TONSL: variants seen among roughly 807,000 people sequenced by gnomAD.
The protein encoded by TONSL is tonsoku-like protein.
TONSL carries 112 observed loss-of-function variants against 147.1 expected under a neutral mutation model. That is an observed-to-expected ratio of 0.76 (90% confidence interval 0.65 to 0.89). The LOEUF is 0.89. Among genes scored for constraint, TONSL ranks in the 40% least tolerant of loss-of-function variants. The pLI is 0.00. For missense variants in TONSL, 1,883 were observed against 1,864.6 expected (o/e 1.01, Z -0.18); for synonymous variants, 868 against 801.5 (o/e 1.08, Z -1.40).
intron 18 of TONSL, 141 bp downstream of exon 18, chr8:144,435,333 C>T (rs1458356602): frequency 1.3e-5 from 16 of 1,228,276 alleles, no homozygotes; most frequent in Non-Finnish European, 1.6e-5. Context: ...ACCAGCCCCT[C>T]TGCTATTCCT....
In TONSL at chr8:144,438,826, T is replaced by C. The variant is rs910723851; in HGVS notation, c.1481-91A>G. ...GCTGCAAGCTCCCCAAACTCCCAGG[T>C]ACAAAGGAGCCAGAGACGGGAGGGC... On this transcript the variant is annotated intron_variant, in intron 11 of 25. Transcript: ENST00000409379. 4 of 1,362,642 alleles carry C rather than the reference T, an allele frequency of 2.9e-6. No individual in the cohort carries two copies. In the African/African-American group the frequency reaches 5.8e-5, roughly 20 times the overall value. 84.4% of individuals were successfully genotyped at this position (1,362,642 alleles called of 1,614,324 possible).
intron 11 of TONSL, 82 bp from the exon 12 acceptor site, chr8:144,438,817 A>AAC: frequency 7.1e-7 from 1 of 1,416,008 alleles, no homozygotes; most frequent in Non-Finnish European, 9.8e-7. Context: ...AGCTCCCCAA[A>AAC]CTCCCAGGTA....
chr8:144,433,139 G>A (rs782075519), intron 22 of TONSL: 18 of 161,026 alleles, frequency 1.1e-4, no homozygotes, highest in Non-Finnish European at 2.1e-4. Context: ...GGAGTGCAAC[G>A]GCGCGATCTC....
In TONSL at chr8:144,442,100, C is replaced by A; in HGVS notation, c.802G>T (p.Ala268Ser). Residue 268 changes from alanine (A) to serine (S), a missense_variant, in exon 7 of 26, where the codon GCC becomes TCC. Physicochemically the swap from Ala to Ser is moderately conservative, Grantham distance 99 (BLOSUM62 1). Transcript: ENST00000409379. ...FLAAKRALKK[A>S]YRLGSQKPVQ... The stretch of plus-strand genomic sequence containing the variant: ...GGCTTCTGGGAGCCCAGCCTGTAGG[C>A]CTTCTTCAGGGCTCGCTTGGCAGCC... 1 of 1,612,832 alleles carries A rather than the reference C, an allele frequency of 6.2e-7. No individual in the cohort carries two copies. Among genetic ancestry groups the A allele is most frequent in the Non-Finnish European group, 8.5e-7 (1 of 1,179,912 alleles).
chr8:144,441,322 G>A (rs1394939139), intron 7 of TONSL: 2 of 666,860 alleles, frequency 3.0e-6, no homozygotes, highest in Non-Finnish European at 4.9e-6. Context: ...GCCAGGTACA[G>A]TGGCTCACGC....
rs1823642522 is a variant in TONSL at position 144,440,022 on chromosome 8, GCCCT to G, written c.1475_1478del (p.Glu492AlafsTer8). ...ATGCAAGGTGCCGCTGGCCCTCACC[GCCCT>G]CTGAGAGCTCCACCTCGCCGGCCTC... On this transcript the variant is annotated frameshift_variant and splice_region_variant, in exon 11 of 26. Coordinates refer to ENST00000409379, the MANE Select transcript of TONSL (RefSeq NM_013432.5). LOFTEE classifies it high-confidence loss of function. 8.4e-7 allele frequency: 1 copy of G among 1,193,172 alleles called. No individual in the cohort carries two copies. The highest frequency in any genetic ancestry group is 1.3e-6 in the Non-Finnish European group (1 of 798,090). The allele number at this position is 1,193,172 out of a possible 1,614,324, so 73.9% of individuals were successfully genotyped here.
In TONSL at chr8:144,435,992, TGGCCCCGCGGTGGGCCA is replaced by T; in HGVS notation, c.2424_2440del (p.Gly809GlnfsTer47). The T allele has an allele frequency of 6.4e-7, 1 of 1,551,494 alleles. No homozygotes were observed. Among genetic ancestry groups the T allele is most frequent in the Non-Finnish European group, 8.7e-7 (1 of 1,151,108 alleles). ...TGCCTGGGGGGCAAGGGCTTTGCTGTGGCCCCGCGGTGGGCCAGGCCCCAGCCGGCTCTGAGCACTGC... is the reference window on the plus strand; with the variant it reads ...TGCCTGGGGGGCAAGGGCTTTGCTGTGGCCCCAGCCGGCTCTGAGCACTGC... On this transcript the variant is annotated frameshift_variant, in exon 17 of 26. Coordinates refer to ENST00000409379, the MANE Select transcript of TONSL (RefSeq NM_013432.5). LOFTEE classifies it high-confidence loss of function.
At position 144,435,668 on chromosome 8, in the gene TONSL, C is replaced by G. The variant is rs1367641128; in HGVS notation, c.2765G>C (p.Gly922Ala). The change falls in exon 17 of 26, where the codon GGC becomes GCC. Residue 922 changes from glycine to alanine, a missense_variant. Gly to Ala is a moderately conservative substitution (Grantham distance 60, BLOSUM62 0). Transcript: ENST00000409379. Reference protein sequence around the residue: ...SEPSGDSSAAGQPLGPAPPPP... With the variant: ...SEPSGDSSAAAQPLGPAPPPP... Reference sequence around the variant, plus strand: ...GGTCTGCATACCCACCAAGGGCTGGCCTGCCGCAGAGCTGTCCCCACTGGG... The same window carrying G: ...GGTCTGCATACCCACCAAGGGCTGGGCTGCCGCAGAGCTGTCCCCACTGGG... 1.9e-6 allele frequency: 3 copies of G among 1,600,778 alleles called. No individual in the cohort carries two copies. Among genetic ancestry groups the G allele is most frequent in the Non-Finnish European group, 2.6e-6 (3 of 1,170,710 alleles).
chr8:144,434,875 C>T lies in TONSL; in HGVS notation c.3021G>A (p.Val1007=), dbSNP rs760452559. ...TCAACGGGGGCAGGTCCCACGAAGT[C>T]ACCTCAGCCAACACCTGGAAGGCAC... ...LQSNDEVLAE[V]TSWDLPPLTD... The change falls in exon 20 of 26, where the codon GTG becomes GTA. Residue 1007 remains valine, a synonymous_variant. Coordinates refer to ENST00000409379, the MANE Select transcript of TONSL (RefSeq NM_013432.5). 3.1e-6 allele frequency: 5 copies of T among 1,613,296 alleles called. No individual in the cohort carries two copies. In the East Asian group the frequency reaches 1.1e-4, roughly 36 times the overall value.
At chr8:144,444,309 GC>G in intron 1 of TONSL, 34 bp from the exon 2 acceptor site, 1 of 1,350,106 alleles carries the variant, frequency 7.4e-7, no homozygotes, top group Non-Finnish European at 9.6e-7. Flanking sequence ...GGCCTCCGCG[GC>G]GGGGTCCGGG....
chr8:144,435,638 C>T lies in TONSL; in HGVS notation c.2775+20G>A, dbSNP rs1823415949. The stretch of plus-strand genomic sequence containing the variant: ...TGCCCGGAGTGGGGAGAGGGCTCTG[C>T]TCCAGGTCTGCATACCCACCAAGGG... On this transcript the variant is annotated intron_variant, in intron 17 of 25. Transcript: ENST00000409379. 1 of 1,590,242 alleles carries T rather than the reference C, an allele frequency of 6.3e-7. No homozygotes were observed. Among genetic ancestry groups the T allele is most frequent in the Admixed American group, 1.7e-5 (1 of 59,168 alleles).
intron 25 of TONSL, among the ~76,000 whole-genome samples, chr8:144,430,034 C>CCT (rs1823117407): frequency 6.6e-6 from 1 of 152,160 alleles, no homozygotes; most frequent in Non-Finnish European, 1.5e-5. Flanking sequence ...GTCAGAGGAG[C>CCT]CCCTGCCAGG....
chr8:144,442,680 G>T lies in TONSL; in HGVS notation c.575C>A (p.Ala192Glu), dbSNP rs1327186298. ...NDYFRKSIFLAEQNHLYEDLF... is the reference protein window; with the variant it reads ...NDYFRKSIFLEEQNHLYEDLF... ...CTGGGGCGGGGCAGGGCCTTACTCC[G>T]CAAGGAAGATGCTCTTCCTGAAGTA... Residue 192 changes from alanine to glutamate, a missense_variant, in exon 5 of 26, where the codon GCG becomes GAG. By Grantham distance (107) the Ala-to-Glu change is moderately radical. Coordinates refer to ENST00000409379, the MANE Select transcript of TONSL (RefSeq NM_013432.5). 2 of 1,612,356 alleles carry T rather than the reference G, an allele frequency of 1.2e-6. No individual in the cohort carries two copies. Among genetic ancestry groups the T allele is most frequent in the Non-Finnish European group, 1.7e-6 (2 of 1,179,740 alleles).
chr8:144,433,979 T>C lies in TONSL; in HGVS notation c.3386A>G (p.Gln1129Arg). 6.3e-7 allele frequency: 1 copy of C among 1,581,208 alleles called. No individual in the cohort carries two copies. Among genetic ancestry groups the C allele is most frequent in the Non-Finnish European group, 8.6e-7 (1 of 1,161,290 alleles). ...AMGLPGQATLQSLEELDLSMN... is the reference protein window; with the variant it reads ...AMGLPGQATLRSLEELDLSMN... ...GCCTGCTGCTCTCTGTGCCTATACC[T>C]GCAAGGTGGCTTGGCCTGGGAGCCC... Residue 1129 changes from glutamine to arginine, a missense_variant and splice_region_variant, in exon 21 of 26, where the codon CAG becomes CGG. Gln to Arg is a conservative substitution (Grantham distance 43). Transcript: ENST00000409379.
intron 3 of TONSL, 94 bp downstream of exon 3, chr8:144,443,788 C>T: frequency 6.7e-7 from 1 of 1,494,054 alleles, no homozygotes. Context: ...CCCCTCCAGC[C>T]CGAGGCTCCT....
Position 144,444,188 on chromosome 8 carries a change from G to C in TONSL, c.113C>G (p.Ala38Gly). ...CTGGTCCCGGCGCTCACCATGGCCGGCCAGGAGCTCCCCCAGCTGGTGGCA... is the reference window on the plus strand; with the variant it reads ...CTGGTCCCGGCGCTCACCATGGCCGCCCAGGAGCTCCCCCAGCTGGTGGCA... The part of the protein sequence containing the change: ...ALCHQLGELL[A>G]GHGRYAEALE... The change falls in exon 2 of 26, where the codon GCC becomes GGC. Residue 38 changes from alanine to glycine, a missense_variant. Coordinates refer to ENST00000409379, the MANE Select transcript of TONSL (RefSeq NM_013432.5). 1 of 1,450,812 alleles carries C rather than the reference G, an allele frequency of 6.9e-7. No homozygotes were observed. The highest frequency in any genetic ancestry group is 9.1e-7 in the Non-Finnish European group (1 of 1,104,962). 89.9% of individuals were successfully genotyped at this position (1,450,812 alleles called of 1,614,324 possible).
Position 144,435,971 on chromosome 8 carries a change from T to C in TONSL, c.2462A>G (p.Gln821Arg). 1 of 1,556,308 alleles carries C rather than the reference T, an allele frequency of 6.4e-7. No individual in the cohort carries two copies. ...PRGHSKALAP[Q>R]AALIPEEECL... ...CTCCTCCTCCGGGATGAGCGCTGCC[T>C]GGGGGGCAAGGGCTTTGCTGTGGCC... The change falls in exon 17 of 26, where the codon CAG becomes CGG. Residue 821 changes from glutamine (Q) to arginine (R), a missense_variant. Physicochemically the swap from Gln to Arg is conservative, Grantham distance 43. Transcript: ENST00000409379.
rs1230146785 is a variant in TONSL, at chr8:144,444,041, C to T, written c.122-17G>A. 1 of 1,521,076 alleles carries T rather than the reference C, an allele frequency of 6.6e-7. No individual in the cohort carries two copies. 94.2% of individuals were successfully genotyped at this position (1,521,076 alleles called of 1,614,324 possible). ...CGTAGCGGCCTAGGCGGGGGCACAGCACGGCCTGGCAGGCGTCGCGGGTGC... is the reference window on the plus strand; with the variant it reads ...CGTAGCGGCCTAGGCGGGGGCACAGTACGGCCTGGCAGGCGTCGCGGGTGC... On this transcript the variant is annotated splice_polypyrimidine_tract_variant and intron_variant, in intron 2 of 25. Transcript: ENST00000409379.
intron 20 of TONSL, 116 bp from the exon 21 acceptor site, chr8:144,434,395 G>T: frequency 1.1e-6 from 1 of 922,870 alleles, no homozygotes; most frequent in Non-Finnish European, 1.6e-6. Flanking sequence ...CACCAGACTT[G>T]CTGTAGAGCC....
Sources: allele counts gnomAD v4.1 joint callset (sites outside exome capture counted in the v4.1 genomes callset), GRCh38; gene constraint gnomAD v4.1.1; transcripts MANE v1.5; gene names NCBI Gene and HGNC (gene_info 2026-07-23, HGNC 2026-07-21).